CCDC43: variants seen among roughly 807,000 people sequenced by gnomAD.
CCDC43 encodes the protein coiled-coil domain-containing protein 43.
Under a neutral mutation model 33.3 loss-of-function variants are expected in CCDC43, and 20 were observed. That is an observed-to-expected ratio of 0.60 (90% CI 0.42 to 0.87). The LOEUF is 0.87. Ranked by LOEUF, CCDC43 falls within the 40% of genes least tolerant of loss-of-function variation. The pLI is 0.00. For missense variants in CCDC43, 248 were observed against 269.9 expected, an observed-to-expected ratio of 0.92 and a Z score of 0.57; for synonymous variants, 104 against 106.5, an observed-to-expected ratio of 0.98 and a Z score of 0.14.
chr17:44,682,880 C>T (rs1972183318), intron 2 of CCDC43, among the ~76,000 whole-genome samples: 1 of 151,908 alleles, frequency 6.6e-6, no homozygotes, highest in Admixed American at 6.6e-5. Flanking sequence ...TTTTGCCATG[C>T]TATAAAATAA....
intron 1 of CCDC43, among the ~76,000 whole-genome samples, chr17:44,685,212 T>C (rs192364038): frequency 4.1e-4 from 63 of 152,288 alleles, no homozygotes; most frequent in African/African-American, 1.4e-3. Context: ...CCCCAATTCT[T>C]TTGGAGCAAA....
At chr17:44,682,371 A>C (rs1972175681) in intron 2 of CCDC43, among the ~76,000 whole-genome samples, 1 of 136,994 alleles carries the variant, frequency 7.3e-6, no homozygotes, top group South Asian at 2.3e-4. Context: ...CTTGTTTTAT[A>C]TACTGAAGTT....
chr17:44,688,560 C>G (rs1220480220), intron 1 of CCDC43, among the ~76,000 whole-genome samples: 3 of 152,152 alleles, frequency 2.0e-5, no homozygotes, highest in Non-Finnish European at 2.9e-5. Flanking sequence ...GAGGATAAAG[C>G]CTTTGATGGA....
chr17:44,685,994 A>G (rs1211883773), intron 1 of CCDC43, among the ~76,000 whole-genome samples: 1 of 152,000 alleles, frequency 6.6e-6, no homozygotes, highest in African/African-American at 2.4e-5. Flanking sequence ...GCTCAATGCA[A>G]GCTCTGCCTC....
chr17:44,679,529 G>T (rs1972125198), intron 4 of CCDC43, among the ~76,000 whole-genome samples: 1 of 152,140 alleles, frequency 6.6e-6, no homozygotes, highest in Admixed American at 6.6e-5. Context: ...ATTTGCTTTT[G>T]TTCCTAGACT....
At chr17:44,689,138 G>C (rs574600950) in intron 1 of CCDC43, 21 of 194,862 alleles carry the variant, frequency 1.1e-4, no homozygotes, top group African/African-American at 3.8e-4. Flanking sequence ...ACAGCCCTGG[G>C]AACTGCCTTG....
At chr17:44,688,462 A>G (rs1474685872) in intron 1 of CCDC43, among the ~76,000 whole-genome samples, 1 of 152,166 alleles carries the variant, frequency 6.6e-6, no homozygotes, top group East Asian at 1.9e-4. Flanking sequence ...CTCATGGTAC[A>G]TTTTGATTCT....
intron 3 of CCDC43, chr17:44,681,687 AAGT>A (rs1351812827): frequency 7.1e-6 from 2 of 281,128 alleles, no homozygotes; most frequent in Non-Finnish European, 1.4e-5. Flanking sequence ...CTGTATAGAA[AAGT>A]ATTATACAAA....
rs1972110446 is a variant in CCDC43 at position 44,678,570 on chromosome 17, CTT to C, written c.*284_*285del. The C allele has an allele frequency of 3.6e-6, 1 of 279,538 alleles. No homozygotes were observed. The highest frequency in any genetic ancestry group is 6.6e-6 in the Non-Finnish European group (1 of 150,404). 17.3% of individuals were successfully genotyped at this position (279,538 alleles called of 1,614,324 possible). On this transcript the variant is annotated 3_prime_UTR_variant, in exon 5 of 5. Transcript: ENST00000315286. ...CCTATTTATCCAAGGTGAGGGAAGA[CTT>C]TTTAAAGTGGCCAAAAGGAGCACAG... is the stretch of plus-strand genomic sequence containing the variant.
chr17:44,685,229 T>C (rs1349746015), intron 1 of CCDC43, among the ~76,000 whole-genome samples: 1 of 152,200 alleles, frequency 6.6e-6, no homozygotes, highest in African/African-American at 2.4e-5. Context: ...CAAAAACCTG[T>C]TCCCTAAGTC....
rs1972196659 is a variant in CCDC43 at position 44,683,866 on chromosome 17, C to G, written c.292+6G>C. 4 of 1,601,102 alleles carry G rather than the reference C, an allele frequency of 2.5e-6. No homozygotes were observed. The South Asian group carries it at 4.4e-5, about 18-fold the overall frequency. The stretch of plus-strand genomic sequence containing the variant: ...AGGAAGTTAAACACAGAAACTCTGA[C>G]TCTACCTTCTTTTTTCACTTTGGTG... On this transcript the variant is annotated splice_donor_region_variant and intron_variant, in intron 2 of 4. Transcript: ENST00000315286.
chr17:44,689,262 A>C (rs1477456630), intron 1 of CCDC43: 3 of 462,680 alleles, frequency 6.5e-6, no homozygotes, highest in Non-Finnish European at 1.2e-5. Context: ...CTGACATTTC[A>C]ATGCCTTCGG....
chr17:44,689,475 G>A (rs1972290356), intron 1 of CCDC43, 75 bp downstream of exon 1: 1 of 1,588,138 alleles, frequency 6.3e-7, no homozygotes, highest in African/African-American at 1.3e-5. Context: ...ACCCGGTAGG[G>A]GAGGGAGGGT....
intron 1 of CCDC43, among the ~76,000 whole-genome samples, chr17:44,685,786 T>C (rs1417233287): frequency 2.0e-5 from 3 of 152,204 alleles, no homozygotes; most frequent in Non-Finnish European, 4.4e-5. Flanking sequence ...AATAATGCCA[T>C]TAAGTACTAT....
intron 4 of CCDC43, among the ~76,000 whole-genome samples, chr17:44,679,720 G>A (rs574486606): frequency 1.2e-3 from 177 of 151,856 alleles, no homozygotes; most frequent in African/African-American, 3.9e-3. Flanking sequence ...GTGAAACCCC[G>A]TCTCTACTAA....
Position 44,689,767 on chromosome 17 carries a change from T to G in CCDC43, c.-14A>C, listed in dbSNP as rs1427328056. On this transcript the variant is annotated 5_prime_UTR_variant, in exon 1 of 5. Coordinates refer to ENST00000315286, the MANE Select transcript of CCDC43 (RefSeq NM_144609.3). ...GGGCGCCGCCATCTTGGGGTCAGGG[T>G]CCTGCAAGCCCCTAGGGCGCCTACC... The G allele has an allele frequency of 1.3e-6, 2 of 1,544,364 alleles. No homozygotes were observed. Among genetic ancestry groups the G allele is most frequent in the Non-Finnish European group, 1.7e-6 (2 of 1,148,132 alleles).
At chr17:44,682,780 C>T (rs11079295) in intron 2 of CCDC43, among the ~76,000 whole-genome samples, 57,312 of 151,644 alleles carry the variant, frequency 0.38, 12,979 homozygotes, top group East Asian at 0.56. Flanking sequence ...GGCGTGAACC[C>T]GGGGAGGCGG....
At position 44,682,100 on chromosome 17, in the gene CCDC43, C is replaced by T. The variant is rs758233802; in HGVS notation, c.331G>A (p.Ala111Thr). The T allele has an allele frequency of 6.8e-6, 11 of 1,613,982 alleles. No homozygotes were observed. The highest frequency in any genetic ancestry group is 9.3e-6 in the Non-Finnish European group (11 of 1,179,890). Residue 111 changes from alanine to threonine, a missense_variant, in exon 3 of 5, where the codon GCA becomes ACA. Transcript: ENST00000315286. ...ATCCTTGGCTTTACTACGATTTGTGCCTGCTTCTCAATTAGGGTGGCAATG... is the reference window on the plus strand; with the variant it reads ...ATCCTTGGCTTTACTACGATTTGTGTCTGCTTCTCAATTAGGGTGGCAATG... ...QAIATLIEKQ[A>T]QIVVKPRMVS...
rs781072520 is a variant in CCDC43 at position 44,678,862 on chromosome 17, C to T, written c.669G>A (p.Lys223=). 248 of 1,613,228 alleles carry T rather than the reference C, an allele frequency of 1.5e-4. No individual in the cohort carries two copies. Among genetic ancestry groups the T allele is most frequent in the Middle Eastern group, 6.6e-4 (4 of 6,084 alleles). The change falls in exon 5 of 5, where the codon AAG becomes AAA. Residue 223 remains lysine (K), a synonymous_variant. Coordinates refer to ENST00000315286, the MANE Select transcript of CCDC43 (RefSeq NM_144609.3). ...AGAATAGAGTAGGCCAAGGTTATCG[C>T]TTTCGCTCCCCTCTCTGTGTCCTTT... ...EKKRTQRGER[K]R
Sources: gnomAD v4.1 joint callset for allele counts (sites outside exome capture counted in the v4.1 genomes callset) on GRCh38, gnomAD v4.1.1 for gene constraint, MANE v1.5 for transcripts, NCBI Gene and HGNC (gene_info 2026-07-23, HGNC 2026-07-21) for gene names.